SLC2A13: variants seen among roughly 807,000 people sequenced by gnomAD.
The protein encoded by SLC2A13 is proton myo-inositol cotransporter.
Under a neutral mutation model 64.4 loss-of-function variants are expected in SLC2A13, and 32 were observed. The observed-to-expected ratio is 0.50, with a 90% CI of 0.37 to 0.67. The LOEUF is 0.67. Among genes scored for constraint, SLC2A13 ranks in the 30% least tolerant of loss-of-function variants. The probability of loss-of-function intolerance (pLI) is 0.00; values close to 1 mark genes in which losing one functional copy is unlikely to be tolerated. For missense variants in SLC2A13, 743 were observed against 829.2 expected, an observed-to-expected ratio of 0.90 and a Z score of 1.28; for synonymous variants, 338 against 327.1, an observed-to-expected ratio of 1.03 and a Z score of -0.36.
intron 1 of SLC2A13, among the ~76,000 whole-genome samples, chr12:40,084,028 T>C (rs1031712126): frequency 2.2e-4 from 34 of 152,216 alleles, no homozygotes; most frequent in African/African-American, 7.5e-4. Flanking sequence ...AATACAAGTA[T>C]AGATTTGGGA....
chr12:39,996,690 C>T (rs777933184), intron 3 of SLC2A13, among the ~76,000 whole-genome samples: 3 of 152,208 alleles, frequency 2.0e-5, no homozygotes, highest in Non-Finnish European at 4.4e-5. Flanking sequence ...CGGGCCGTGG[C>T]TTCAGAGGGT....
chr12:39,758,414 A>T lies in SLC2A13; in HGVS notation c.*1612T>A, dbSNP rs1319487668. 1 of 151,864 alleles carries T rather than the reference A, an allele frequency of 6.6e-6. No individual in the cohort carries two copies. The highest frequency in any genetic ancestry group is 1.5e-5 in the Non-Finnish European group (1 of 67,744). The allele number at this position is 151,864 out of a possible 1,614,324, so 9.4% of individuals were successfully genotyped here. A position where few individuals can be genotyped will look rare whatever the true frequency, so the allele number is the denominator to read the frequency against. On this transcript the variant is annotated 3_prime_UTR_variant, in exon 10 of 10. Coordinates refer to ENST00000280871, the MANE Select transcript of SLC2A13 (RefSeq NM_052885.4). ...AAATATTTTGAATATGGAGATAGCC[A>T]CCTTTTCTCTCCAAATACAGTACCT...
At chr12:39,821,044 T>C (rs578056896) in intron 7 of SLC2A13, among the ~76,000 whole-genome samples, 1 of 152,234 alleles carries the variant, frequency 6.6e-6, no homozygotes, top group African/African-American at 2.4e-5. Flanking sequence ...TGGCAATTCC[T>C]TTCATAATTT....
chr12:40,014,067 C>T (rs1947577880), intron 3 of SLC2A13, among the ~76,000 whole-genome samples: 1 of 152,094 alleles, frequency 6.6e-6, no homozygotes, highest in Non-Finnish European at 1.5e-5. Context: ...TTATCTAGTA[C>T]ATTATAAAAG....
At chr12:39,863,569 C>A (rs1227688869) in intron 6 of SLC2A13, among the ~76,000 whole-genome samples, 1 of 151,992 alleles carries the variant, frequency 6.6e-6, no homozygotes, top group East Asian at 1.9e-4. Flanking sequence ...AAATATCCAT[C>A]AAGAAAAAGA....
Position 39,927,983 on chromosome 12 carries a change from T to A in SLC2A13, c.1034+23274A>T, listed in dbSNP as rs545625357. ...ATTAAAGTATAAATTAAATTATCTA[T>A]ATAACTATAAGCTTGGTATGAAGTA... On this transcript the variant is annotated intron_variant, in intron 4 of 9. Coordinates refer to ENST00000280871, the MANE Select transcript of SLC2A13 (RefSeq NM_052885.4). Among the ~76,000 whole-genome samples, 340 of 152,320 alleles carry A rather than the reference T, an allele frequency of 2.2e-3. 2 individuals carry two copies. Among genetic ancestry groups the A allele is most frequent in the Non-Finnish European group, 2.8e-3 (190 of 68,020 alleles).
chr12:39,822,940 G>C (rs1465110152), intron 7 of SLC2A13, among the ~76,000 whole-genome samples: 1 of 152,168 alleles, frequency 6.6e-6, no homozygotes, highest in Non-Finnish European at 1.5e-5. Flanking sequence ...TTACTCAGAA[G>C]TGTTTTGGTC....
At chr12:39,771,682 A>G (rs1397759197) in intron 7 of SLC2A13, among the ~76,000 whole-genome samples, 1 of 152,068 alleles carries the variant, frequency 6.6e-6, no homozygotes, top group African/African-American at 2.4e-5. Context: ...AAATGAATAC[A>G]GTTTCCTGAT....
chr12:39,818,390 G>A (rs1247355895), intron 7 of SLC2A13, among the ~76,000 whole-genome samples: 4 of 152,114 alleles, frequency 2.6e-5, no homozygotes. Context: ...TTGCAAAAAT[G>A]TCCACTGCTA....
intron 6 of SLC2A13, among the ~76,000 whole-genome samples, chr12:39,852,381 T>C (rs1943493820): frequency 6.6e-6 from 1 of 152,216 alleles, no homozygotes; most frequent in Admixed American, 6.5e-5. Context: ...TTCTACAGTG[T>C]AACAAATGTA....
intron 5 of SLC2A13, among the ~76,000 whole-genome samples, chr12:39,865,406 A>G (rs1943882112): frequency 6.6e-6 from 1 of 152,224 alleles, no homozygotes. Flanking sequence ...AAAATGGAGT[A>G]GCATTTTTTG....
At chr12:39,996,663 G>A (rs918842007) in intron 3 of SLC2A13, among the ~76,000 whole-genome samples, 1 of 152,214 alleles carries the variant, frequency 6.6e-6, no homozygotes, top group African/African-American at 2.4e-5. Flanking sequence ...ATGGCTGGAA[G>A]GGGCCAACAT....
chr12:40,089,961 A>G (rs2038261643), intron 1 of SLC2A13, among the ~76,000 whole-genome samples: 1 of 152,044 alleles, frequency 6.6e-6, no homozygotes, highest in Non-Finnish European at 1.5e-5. Context: ...CCACTTTTCA[A>G]CACTGACAAG....
chr12:39,852,140 G>A (rs1310223256), intron 6 of SLC2A13, among the ~76,000 whole-genome samples: 1 of 152,122 alleles, frequency 6.6e-6, no homozygotes, highest in African/African-American at 2.4e-5. Context: ...CTTGTTATGA[G>A]GTTTGTATAA....
intron 3 of SLC2A13, among the ~76,000 whole-genome samples, chr12:39,988,116 T>A (rs1268304439): frequency 6.6e-6 from 1 of 152,172 alleles, no homozygotes; most frequent in African/African-American, 2.4e-5. Flanking sequence ...TATCTTTGCA[T>A]ATATGTAGGG....
chr12:39,764,942 G>C, intron 7 of SLC2A13, 84 bp from the exon 8 acceptor site: 1 of 1,462,652 alleles, frequency 6.8e-7, no homozygotes, highest in Non-Finnish European at 9.3e-7. Flanking sequence ...TTATGTATTT[G>C]GAAATTCCTT....
intron 7 of SLC2A13, among the ~76,000 whole-genome samples, chr12:39,791,237 G>A (rs1260159071): frequency 6.9e-6 from 1 of 145,894 alleles, no homozygotes; most frequent in Non-Finnish European, 1.5e-5. Context: ...AATAATAAGA[G>A]CTATCTATGA....
intron 4 of SLC2A13, among the ~76,000 whole-genome samples, chr12:39,899,057 T>C (rs895652753): frequency 6.6e-6 from 1 of 152,140 alleles, no homozygotes; most frequent in African/African-American, 2.4e-5. Context: ...GAAGGAATGG[T>C]ACCAGTTCCT....
chr12:40,089,910 G>T (rs1246952118), intron 1 of SLC2A13, among the ~76,000 whole-genome samples: 1 of 152,028 alleles, frequency 6.6e-6, no homozygotes, highest in Non-Finnish European at 1.5e-5. Flanking sequence ...AGAGCTGAAG[G>T]ACTGAGCGCT....
Sources: gnomAD v4.1 joint callset for allele counts (sites outside exome capture counted in the v4.1 genomes callset) on GRCh38, gnomAD v4.1.1 for gene constraint, MANE v1.5 for transcripts, NCBI Gene and HGNC (gene_info 2026-07-23, HGNC 2026-07-21) for gene names.